Variants in KIAA1549L observed in about 807,000 individuals in gnomAD.
KIAA1549L encodes UPF0606 protein KIAA1549L.
A neutral mutation model predicts 160.7 loss-of-function variants in KIAA1549L; 88 were observed. The observed-to-expected ratio is 0.55, with a 90% CI of 0.46 to 0.65. The LOEUF is 0.65. Among genes scored for constraint, KIAA1549L ranks in the 30% least tolerant of loss-of-function variants. The pLI, the probability that KIAA1549L is intolerant of heterozygous loss-of-function variation, is 0.00. For missense variants in KIAA1549L, 2,258 were observed against 2,437.5 expected (o/e 0.93, Z 1.55); for synonymous variants, 950 against 976.7 (o/e 0.97, Z 0.51).
chr11:33,520,810 C>G (rs894452316), intron 1 of KIAA1549L, among the ~76,000 whole-genome samples: 2 of 151,280 alleles, frequency 1.3e-5, no homozygotes, highest in African/African-American at 4.9e-5. Context: ...AACTTTGCAT[C>G]AAGGATTGAA....
intron 1 of KIAA1549L, among the ~76,000 whole-genome samples, chr11:33,415,354 A>G (rs1850867417): frequency 1.3e-5 from 2 of 152,136 alleles, no homozygotes; most frequent in African/African-American, 4.8e-5. Flanking sequence ...TTAATATTCC[A>G]TCCCATTGTC....
rs1178288261 is a variant in KIAA1549L at position 33,435,818 on chromosome 11, GTATA to G, written c.238+58939_238+58942del. 2.4e-4 allele frequency among the ~76,000 whole-genome samples: 11 copies of G among 45,308 alleles called. 2 individuals are homozygous for G. Among genetic ancestry groups the G allele is most frequent in the African/African-American group, 8.5e-4 (10 of 11,700 alleles). The allele number at this position is 45,308 out of a possible 152,430, so 29.7% of individuals were successfully genotyped here. ...TATATATATATATATATATGTGTGT[GTATA>G]TATATATATGTATATGTATATGTGT... On this transcript the variant is annotated intron_variant, in intron 1 of 20. Coordinates refer to ENST00000658780, the MANE Select transcript of KIAA1549L (RefSeq NM_012194.3).
In KIAA1549L at chr11:33,616,936, C is replaced by T. The variant is rs565158538; in HGVS notation, c.5280-1597C>T. Among the ~76,000 whole-genome samples, 11 of 152,056 alleles carry T rather than the reference C, an allele frequency of 7.2e-5. No individual in the cohort carries two copies. The South Asian group carries it at 1.7e-3, about 23-fold the overall frequency. On this transcript the variant is annotated intron_variant, in intron 15 of 20. Coordinates refer to ENST00000658780, the MANE Select transcript of KIAA1549L (RefSeq NM_012194.3). Reference sequence around the variant, plus strand: ...GGCAGATCTCTTGAGCCCCAGAATTCGAGACCAGCCTGGGCAACATGGTGA... The same window carrying T: ...GGCAGATCTCTTGAGCCCCAGAATTTGAGACCAGCCTGGGCAACATGGTGA...
intron 1 of KIAA1549L, among the ~76,000 whole-genome samples, chr11:33,398,188 C>T (rs1023572751): frequency 2.6e-5 from 4 of 151,094 alleles, no homozygotes; most frequent in African/African-American, 9.7e-5. Context: ...TCCCAAAGTG[C>T]TGGGATTACA....
chr11:33,386,896 C>T (rs1850184454), intron 1 of KIAA1549L, among the ~76,000 whole-genome samples: 1 of 152,036 alleles, frequency 6.6e-6, no homozygotes, highest in African/African-American at 2.4e-5. Context: ...CACTTGAGGT[C>T]AGGAGTTCGA....
At chr11:33,437,855 G>A (rs1037102409) in intron 1 of KIAA1549L, among the ~76,000 whole-genome samples, 1 of 152,178 alleles carries the variant, frequency 6.6e-6, no homozygotes, top group African/African-American at 2.4e-5. Context: ...GATGTGGATG[G>A]AGAAGCACCT....
intron 1 of KIAA1549L, among the ~76,000 whole-genome samples, chr11:33,393,653 C>G (rs1850314158): frequency 6.6e-6 from 1 of 152,194 alleles, no homozygotes; most frequent in Non-Finnish European, 1.5e-5. Flanking sequence ...ACAACCGAGG[C>G]ATGTTGCCTC....
intron 1 of KIAA1549L, among the ~76,000 whole-genome samples, chr11:33,491,331 A>G (rs1236129051): frequency 6.6e-6 from 1 of 152,204 alleles, no homozygotes; most frequent in East Asian, 1.9e-4. Flanking sequence ...CACGGTTCAC[A>G]TGGCACTACA....
chr11:33,573,747 G>A (rs546030062), intron 9 of KIAA1549L, among the ~76,000 whole-genome samples: 163 of 152,174 alleles, frequency 1.1e-3, no homozygotes, highest in Non-Finnish European at 1.7e-3. Context: ...ACCAATGTTC[G>A]ATAATCAAGG....
chr11:33,574,101 A>G (rs1855362833), intron 9 of KIAA1549L, among the ~76,000 whole-genome samples: 1 of 152,154 alleles, frequency 6.6e-6, no homozygotes, highest in Non-Finnish European at 1.5e-5. Context: ...TAATGGCAAC[A>G]GTAATTAGCT....
chr11:33,438,495 AGGTGGAGGGTTGCTGCTTTCAGCAG>A (rs532065840), intron 1 of KIAA1549L, among the ~76,000 whole-genome samples: 902 of 152,350 alleles, frequency 5.9e-3, no homozygotes, highest in South Asian at 0.025. Flanking sequence ...CCGTGGTGAC[AGGTGGAGGGTTGCTGCTTTCAGCAG>A]GGGCCCTGAA....
chr11:33,500,425 A>G (rs1447948118), intron 1 of KIAA1549L, among the ~76,000 whole-genome samples: 1 of 152,234 alleles, frequency 6.6e-6, no homozygotes, highest in African/African-American at 2.4e-5. Context: ...ATTCAGCATT[A>G]ATAAAGCAAG....
At chr11:33,589,914 T>G (rs757873180) in intron 11 of KIAA1549L, among the ~76,000 whole-genome samples, 2 of 152,156 alleles carry the variant, frequency 1.3e-5, no homozygotes, top group Admixed American at 6.6e-5. Context: ...TAATAAAAAT[T>G]AGCTGCTGAA....
intron 1 of KIAA1549L, among the ~76,000 whole-genome samples, chr11:33,419,879 T>TACAC (rs1333270532): frequency 9.7e-6 from 1 of 103,462 alleles, no homozygotes; most frequent in Non-Finnish European, 2.2e-5. Context: ...CATACATACA[T>TACAC]ACATACATAC....
chr11:33,480,234 C>G lies in KIAA1549L; in HGVS notation c.239-61568C>G, dbSNP rs571886573. ...AAAGAAACCCTGTACTCTCCTTTTT[C>G]CTCCAACTCTCTCAGCCCCAGGCAA... On this transcript the variant is annotated intron_variant, in intron 1 of 20. Transcript: ENST00000658780. Among the ~76,000 whole-genome samples the G allele has an allele frequency of 4.6e-5, 7 of 152,196 alleles. No homozygotes were observed. In the South Asian group the frequency reaches 1.5e-3, roughly 32 times the overall value.
At chr11:33,466,183 C>T (rs895810223) in intron 1 of KIAA1549L, among the ~76,000 whole-genome samples, 38 of 152,118 alleles carry the variant, frequency 2.5e-4, no homozygotes, top group Non-Finnish European at 5.1e-4. Flanking sequence ...AGTGAACAGG[C>T]AACCTACAGA....
At chr11:33,465,206 G>T (rs540417175) in intron 1 of KIAA1549L, among the ~76,000 whole-genome samples, 1 of 151,748 alleles carries the variant, frequency 6.6e-6, no homozygotes, top group South Asian at 2.1e-4. Flanking sequence ...GTAGGCTCAC[G>T]CCACCATGCC....
At chr11:33,620,711 T>C (rs571720712) in intron 16 of KIAA1549L, among the ~76,000 whole-genome samples, 272 of 152,318 alleles carry the variant, frequency 1.8e-3, no homozygotes, top group Non-Finnish European at 3.1e-3. Context: ...TATTCATCCT[T>C]CCTCACTATA....
At chr11:33,483,399 G>A (rs1852454329) in intron 1 of KIAA1549L, among the ~76,000 whole-genome samples, 1 of 152,098 alleles carries the variant, frequency 6.6e-6, no homozygotes, top group African/African-American at 2.4e-5. Context: ...TGGGTGGGTT[G>A]GGTACATTCA....
Sources: allele counts gnomAD v4.1 joint callset (sites outside exome capture counted in the v4.1 genomes callset), GRCh38; gene constraint gnomAD v4.1.1; transcripts MANE v1.5; gene names NCBI Gene and HGNC (gene_info 2026-07-23, HGNC 2026-07-21).